The following AOX1 variants were observed in gnomAD, a reference collection of about 807,000 sequenced individuals.
The protein encoded by AOX1 is aldehyde oxidase.
In AOX1, 153 loss-of-function variants were observed where a neutral mutation model predicts 169.5. That is an observed-to-expected ratio of 0.90 (90% CI 0.79 to 1.03). The LOEUF is 1.03. AOX1 is among the 50% of genes least tolerant of loss of function. The probability of loss-of-function intolerance (pLI) is 0.00; values close to 1 mark genes in which losing one functional copy is unlikely to be tolerated. For missense variants in AOX1, 1,656 were observed against 1,663.9 expected, an observed-to-expected ratio of 1.00 and a Z score of 0.08; for synonymous variants, 562 against 581.9, an observed-to-expected ratio of 0.97 and a Z score of 0.49.
chr2:200,644,487 G>A lies in AOX1; in HGVS notation c.2847+1686G>A, dbSNP rs570775458. Among the ~76,000 whole-genome samples the A allele has an allele frequency of 7.2e-5, 11 of 152,308 alleles. 1 individual carries two copies. The South Asian group carries it at 1.9e-3, about 26-fold the overall frequency. On this transcript the variant is annotated intron_variant, in intron 25 of 34. Transcript: ENST00000374700. ...ATAGTTTGAAATCAGGTAGTGTGAT[G>A]CCTCCAGATTTGTTCTCTTTGCTTA...
intron 1 of AOX1, among the ~76,000 whole-genome samples, chr2:200,588,726 C>CTTTTTTTTTTCTTTT (rs2034096771): frequency 3.7e-5 from 2 of 53,986 alleles, no homozygotes; most frequent in African/African-American, 1.2e-4. Flanking sequence ...CTAGAATAAG[C>CTTTTTTTTTTCTTTT]TTTTTTTTTT....
Position 200,641,095 on chromosome 2 carries a change from C to T in AOX1, c.2569-3C>T, listed in dbSNP as rs761012703. On this transcript the variant is annotated splice_polypyrimidine_tract_variant and splice_region_variant and intron_variant, in intron 23 of 34. Transcript: ENST00000374700. ...AGCATTCGATATCGGTTCTCTTCCC[C>T]AGGCTGGATTCATGAACGATGGCAG... The T allele has an allele frequency of 6.2e-7, 1 of 1,612,326 alleles. No homozygotes were observed. Among genetic ancestry groups the T allele is most frequent in the South Asian group, 1.1e-5 (1 of 90,916 alleles).
At position 200,667,077 on chromosome 2, in the gene AOX1, C is replaced by T. The variant is rs144237373; in HGVS notation, c.3609+325C>T. 1.3e-3 allele frequency among the ~76,000 whole-genome samples: 198 copies of T among 152,318 alleles called. 2 individuals carry two copies. Among genetic ancestry groups the T allele is most frequent in the African/African-American group, 4.6e-3 (193 of 41,572 alleles). On this transcript the variant is annotated intron_variant, in intron 32 of 34. Transcript: ENST00000374700. ...TGCCCAGTGCTGAGCCTTAGCCACA[C>T]GATGGGCTTCAGCTTCGAGGAGTTT...
chr2:200,609,839 T>A (rs957994311), intron 12 of AOX1, among the ~76,000 whole-genome samples: 4 of 152,188 alleles, frequency 2.6e-5, no homozygotes, highest in African/African-American at 9.7e-5. Flanking sequence ...CAGGTCTTTT[T>A]CAGGTGAAAA....
At chr2:200,654,362 G>A (rs2035642581) in intron 26 of AOX1, among the ~76,000 whole-genome samples, 2 of 152,142 alleles carry the variant, frequency 1.3e-5, no homozygotes, top group Admixed American at 6.5e-5. Context: ...AGGCTCAGAT[G>A]GTTGTTAGCA....
At chr2:200,675,602 C>G (rs2105782968), downstream of AOX1, among the ~76,000 whole-genome samples, 1 of 152,272 alleles carries the variant, frequency 6.6e-6, no homozygotes, top group East Asian at 1.9e-4. Flanking sequence ...GAAATACTTG[C>G]TCAAATGTCC....
downstream of AOX1, chr2:200,671,555 A>G (rs570970509): frequency 6.6e-6 from 1 of 152,372 alleles, no homozygotes; most frequent in South Asian, 2.1e-4. Flanking sequence ...CATTAAAAAT[A>G]TGCTCAAACT....
chr2:200,610,824 C>A (rs921781009), intron 12 of AOX1, among the ~76,000 whole-genome samples: 1 of 152,060 alleles, frequency 6.6e-6, no homozygotes, highest in Non-Finnish European at 1.5e-5. Context: ...TCTGTGAGAT[C>A]TTTTCATCTA....
chr2:200,665,164 G>A (rs1326780247), intron 31 of AOX1, among the ~76,000 whole-genome samples: 1 of 152,244 alleles, frequency 6.6e-6, no homozygotes, highest in East Asian at 1.9e-4. Flanking sequence ...AAGAGAAAAA[G>A]AGAGAGCATG....
At chr2:200,631,458 A>C (rs1278452829) in intron 20 of AOX1, among the ~76,000 whole-genome samples, 1 of 152,226 alleles carries the variant, frequency 6.6e-6, no homozygotes, top group Non-Finnish European at 1.5e-5. Flanking sequence ...CCTGCTGGGC[A>C]TGGTACAGAT....
At chr2:200,599,489 C>T (rs1393133487) in intron 4 of AOX1, 131 bp from the exon 5 acceptor site, 1 of 687,568 alleles carries the variant, frequency 1.5e-6, no homozygotes, top group East Asian at 3.1e-5. Context: ...GAGAAGGGCT[C>T]CCAGGGGCCT....
chr2:200,655,637 C>A (rs1248354567), intron 26 of AOX1, among the ~76,000 whole-genome samples: 3 of 152,078 alleles, frequency 2.0e-5, no homozygotes, highest in Non-Finnish European at 2.9e-5. Context: ...TTACACCTGC[C>A]GACCAAATAA....
chr2:200,642,334 C>T (rs1052511588), intron 24 of AOX1, among the ~76,000 whole-genome samples: 3 of 152,032 alleles, frequency 2.0e-5, no homozygotes, highest in Non-Finnish European at 4.4e-5. Flanking sequence ...GGCCTGTGAA[C>T]ATATCAAAGG....
At chr2:200,640,130 G>T (rs887783448) in intron 23 of AOX1, among the ~76,000 whole-genome samples, 43 of 152,076 alleles carry the variant, frequency 2.8e-4, no homozygotes, top group African/African-American at 1.0e-3. Context: ...AATAAACATG[G>T]CATGTTTGAT....
downstream of AOX1, among the ~76,000 whole-genome samples, chr2:200,680,530 C>T (rs192306799): frequency 1.1e-5 from 1 of 90,092 alleles, no homozygotes; most frequent in Admixed American, 1.1e-4. Flanking sequence ...TGTCTCAGGG[C>T]CAAGGTTTTT....
intron 25 of AOX1, among the ~76,000 whole-genome samples, chr2:200,643,033 C>T (rs1258545132): frequency 7.2e-5 from 11 of 152,138 alleles, no homozygotes; most frequent in Non-Finnish European, 2.9e-5. Context: ...CTGAGCACTG[C>T]ATTCTCCCCT....
At chr2:200,603,142 G>T in intron 6 of AOX1, 125 bp from the exon 7 acceptor site, 1 of 735,742 alleles carries the variant, frequency 1.4e-6, no homozygotes, top group Non-Finnish European at 2.2e-6. Context: ...AAGTACAAAT[G>T]GCTCTCTTTC....
chr2:200,602,063 C>T (rs902406118), intron 5 of AOX1, among the ~76,000 whole-genome samples: 5 of 151,892 alleles, frequency 3.3e-5, no homozygotes, highest in African/African-American at 1.2e-4. Context: ...CATAACTTTA[C>T]AGGAGAAAGT....
rs576786234 is a variant in AOX1 at position 200,644,313 on chromosome 2, A to T, written c.2847+1512A>T. On this transcript the variant is annotated intron_variant, in intron 25 of 34. Transcript: ENST00000374700. Reference sequence around the variant, plus strand: ...GCCATCCTAGCACCATTTGTTGAAAAGGATGTCCTTTCCCCACTTTACGTT... The same window carrying T: ...GCCATCCTAGCACCATTTGTTGAAATGGATGTCCTTTCCCCACTTTACGTT... Among the ~76,000 whole-genome samples the T allele has an allele frequency of 4.6e-5, 7 of 152,324 alleles. No homozygotes were observed. The South Asian group carries it at 1.2e-3, about 27-fold the overall frequency.
Sources: gnomAD v4.1 joint callset for allele counts (sites outside exome capture counted in the v4.1 genomes callset) on GRCh38, gnomAD v4.1.1 for gene constraint, MANE v1.5 for transcripts, NCBI Gene and HGNC (gene_info 2026-07-23, HGNC 2026-07-21) for gene names.